Variants in MARK1 observed in about 807,000 individuals in gnomAD.
The protein encoded by MARK1 is microtubule affinity regulating kinase 1.
Under a neutral mutation model 96.3 loss-of-function variants are expected in MARK1, and 40 were observed. The ratio of observed to expected loss-of-function variants is 0.42; its 90% confidence interval spans 0.32 to 0.54. MARK1 has a LOEUF of 0.54. Ranked by LOEUF, MARK1 falls within the 20% of genes least tolerant of loss-of-function variation. The probability of loss-of-function intolerance (pLI) is 0.16; values close to 1 mark genes in which losing one functional copy is unlikely to be tolerated. For missense variants in MARK1, 719 were observed against 984.6 expected (o/e 0.73, Z 3.61); for synonymous variants, 317 against 341.2 (o/e 0.93, Z 0.78).
chr1:220,556,485 C>CAAAAAAAAAAA (rs55808704), intron 1 of MARK1, among the ~76,000 whole-genome samples: 5 of 85,818 alleles, frequency 5.8e-5, no homozygotes, highest in Admixed American at 1.5e-4. Flanking sequence ...GGGACTGTCA[C>CAAAAAAAAAAA]AAAAAAAAAA....
At chr1:220,552,648 A>G (rs12046069) in intron 1 of MARK1, among the ~76,000 whole-genome samples, 6,319 of 152,300 alleles carry the variant, frequency 0.041, 292 homozygotes, top group East Asian at 0.23. Flanking sequence ...AAGAAATACT[A>G]TAATGGTGAA....
chr1:220,638,319 G>A (rs980450019), intron 13 of MARK1, among the ~76,000 whole-genome samples: 1 of 152,160 alleles, frequency 6.6e-6, no homozygotes, highest in Middle Eastern at 3.4e-3. Flanking sequence ...TTTATGTAGT[G>A]CCCTTGCCTA....
intron 1 of MARK1, among the ~76,000 whole-genome samples, chr1:220,540,689 C>T (rs1661078669): frequency 6.6e-6 from 1 of 150,434 alleles, no homozygotes; most frequent in African/African-American, 2.4e-5. Flanking sequence ...TGTATTATTT[C>T]CTCTTTCATT....
intron 1 of MARK1, 108 bp downstream of exon 1, chr1:220,528,981 G>T (rs1660116527): frequency 8.9e-7 from 1 of 1,128,014 alleles, no homozygotes; most frequent in Non-Finnish European, 1.2e-6. Context: ...GCCACCCGCG[G>T]CAGGGTCTCC....
At chr1:220,562,900 T>C (rs2102782679) in intron 1 of MARK1, among the ~76,000 whole-genome samples, 1 of 152,284 alleles carries the variant, frequency 6.6e-6, no homozygotes. Context: ...GAATTTTTTT[T>C]TCTGAATATT....
At chr1:220,592,270 A>ATATTATATTATAT (rs1488464954) in intron 3 of MARK1, among the ~76,000 whole-genome samples, 1 of 147,328 alleles carries the variant, frequency 6.8e-6, no homozygotes, top group Non-Finnish European at 1.5e-5. Flanking sequence ...ATATTATATT[A>ATATTATATTATAT]TACTATCTTG....
chr1:220,537,359 A>G (rs982622701), intron 1 of MARK1, among the ~76,000 whole-genome samples: 29 of 150,702 alleles, frequency 1.9e-4, no homozygotes, highest in Admixed American at 6.0e-4. Flanking sequence ...TGTTCTTGCA[A>G]TAGTTTACTG....
chr1:220,657,715 A>G, intron 16 of MARK1, 75 bp from the exon 17 acceptor site: 1 of 1,098,000 alleles, frequency 9.1e-7, no homozygotes, highest in Non-Finnish European at 1.3e-6. Flanking sequence ...TAATTTTAAA[A>G]TAATTTTAGA....
chr1:220,640,016 C>T (rs1668182372), intron 13 of MARK1, among the ~76,000 whole-genome samples: 1 of 152,146 alleles, frequency 6.6e-6, no homozygotes, highest in East Asian at 1.9e-4. Flanking sequence ...TGACTCTTTA[C>T]AGAAAAAGTT....
Position 220,559,652 on chromosome 1 carries a change from G to T in MARK1, c.52-19702G>T, listed in dbSNP as rs118091481. 1.1e-4 allele frequency among the ~76,000 whole-genome samples: 16 copies of T among 152,274 alleles called. No homozygotes were observed. In the East Asian group the frequency reaches 3.1e-3, roughly 29 times the overall value. ...GGGAGCAAAAGCTCTTGAAAAGATG[G>T]AACTGAACAGAATCCATAGCATGGG... On this transcript the variant is annotated intron_variant, in intron 1 of 17. Transcript: ENST00000366917.
chr1:220,573,387 G>A (rs907415129), intron 1 of MARK1, among the ~76,000 whole-genome samples: 9 of 152,040 alleles, frequency 5.9e-5, no homozygotes, highest in Non-Finnish European at 1.0e-4. Context: ...GCAGTGGCAT[G>A]ATCTTGGCTC....
At chr1:220,545,441 T>TG (rs1330149797) in intron 1 of MARK1, among the ~76,000 whole-genome samples, 1 of 141,774 alleles carries the variant, frequency 7.1e-6, no homozygotes, top group East Asian at 2.0e-4. Context: ...TTCTCATGGT[T>TG]TTTTTTTTTT....
In MARK1 at chr1:220,528,827, C is replaced by T. The variant is rs867845427; in HGVS notation, c.5C>T (p.Ser2Leu). The T allele has an allele frequency of 1.3e-6, 2 of 1,560,284 alleles. No homozygotes were observed. Among genetic ancestry groups the T allele is most frequent in the African/African-American group, 1.4e-5 (1 of 73,096 alleles). M[S>L]ARTPLPTVNE... ...AGACCCCGCTGCCCGCACAAAATGT[C>T]GGCCCGGACGCCATTGCCGACGGTG... is the stretch of plus-strand genomic sequence containing the variant. Residue 2 changes from serine (S) to leucine (L), a missense_variant, in exon 1 of 18, where the codon TCG becomes TTG. Coordinates refer to ENST00000366917, the MANE Select transcript of MARK1 (RefSeq NM_018650.5).
chr1:220,652,986 A>G (rs771306725), intron 15 of MARK1, 115 bp from the exon 16 acceptor site: 149 of 1,211,894 alleles, frequency 1.2e-4, no homozygotes, highest in Middle Eastern at 4.1e-4. Flanking sequence ...TCTAATGTGA[A>G]CAAATAAAGT....
At chr1:220,609,403 C>T in intron 6 of MARK1, among the ~76,000 whole-genome samples, 1 of 152,000 alleles carries the variant, frequency 6.6e-6, no homozygotes, top group Non-Finnish European at 1.5e-5. Flanking sequence ...TTTCCATTTG[C>T]TTGGTAGATC....
At chr1:220,593,373 C>T (rs897026240) in intron 3 of MARK1, among the ~76,000 whole-genome samples, 14 of 151,900 alleles carry the variant, frequency 9.2e-5, no homozygotes, top group Non-Finnish European at 1.3e-4. Context: ...TTATGAAAGT[C>T]ATCAAATAAT....
intron 1 of MARK1, among the ~76,000 whole-genome samples, chr1:220,556,766 A>G (rs950977200): frequency 5.3e-5 from 8 of 152,230 alleles, no homozygotes; most frequent in Non-Finnish European, 8.8e-5. Context: ...CACTGAAATT[A>G]AAATCTCAGT....
At chr1:220,538,303 C>A (rs955920087) in intron 1 of MARK1, among the ~76,000 whole-genome samples, 15 of 151,978 alleles carry the variant, frequency 9.9e-5, no homozygotes, top group Non-Finnish European at 1.8e-4. Context: ...TATGGCTAGC[C>A]AGTTTTCCCA....
intron 1 of MARK1, among the ~76,000 whole-genome samples, chr1:220,558,832 T>C (rs2889928): frequency 0.19 from 28,236 of 152,110 alleles, 3,343 homozygotes; most frequent in East Asian, 0.36. Flanking sequence ...TGGAAATGTA[T>C]AGAGTCGTAT....
Sources: gnomAD v4.1 joint callset for allele counts (sites outside exome capture counted in the v4.1 genomes callset) on GRCh38, gnomAD v4.1.1 for gene constraint, MANE v1.5 for transcripts, NCBI Gene and HGNC (gene_info 2026-07-23, HGNC 2026-07-21) for gene names.